The following WTAP variants were observed in gnomAD, a reference collection of about 807,000 sequenced individuals.
The protein encoded by WTAP is WT1 associated protein.
WTAP carries 8 observed loss-of-function variants against 50.0 expected under a neutral mutation model. The observed-to-expected ratio is 0.16, with a 90% CI of 0.09 to 0.29. The LOEUF (loss-of-function observed/expected upper bound fraction) is 0.29. WTAP is among the 10% of genes least tolerant of loss of function. The pLI is 1.00. For synonymous variants in WTAP, 194 were observed against 169.0 expected, an observed-to-expected ratio of 1.15 and a Z score of -1.15; for missense variants, 295 against 470.7, an observed-to-expected ratio of 0.63 and a Z score of 3.45.
chr6:159,745,996 C>T (rs1211639267), intron 5 of WTAP, among the ~76,000 whole-genome samples: 1 of 152,076 alleles, frequency 6.6e-6, no homozygotes, highest in Non-Finnish European at 1.5e-5. Context: ...AGGATAGATC[C>T]TACAAAGATC....
At chr6:159,751,959 G>GA in intron 6 of WTAP, among the ~76,000 whole-genome samples, 1 of 151,966 alleles carries the variant, frequency 6.6e-6, no homozygotes, top group East Asian at 1.9e-4. Flanking sequence ...GTACTCCGGA[G>GA]GCTGAGGTGG....
intron 1 of WTAP, among the ~76,000 whole-genome samples, chr6:159,728,927 G>A (rs1778395346): frequency 6.6e-6 from 1 of 152,190 alleles, no homozygotes; most frequent in Non-Finnish European, 1.5e-5. Context: ...AACTCCTAAA[G>A]GATAAAAGTA....
chr6:159,733,158 G>A (rs1308094445), intron 1 of WTAP, among the ~76,000 whole-genome samples: 2 of 143,736 alleles, frequency 1.4e-5, no homozygotes, highest in African/African-American at 2.5e-5. Context: ...CAACAAGGGA[G>A]GAACCAATTT....
chr6:159,739,672 AAAAAT>A (rs1779124746), intron 3 of WTAP, among the ~76,000 whole-genome samples: 1 of 152,194 alleles, frequency 6.6e-6, no homozygotes, highest in South Asian at 2.1e-4. Flanking sequence ...TAACTTAGAT[AAAAAT>A]AAAATAAGTA....
At chr6:159,742,198 TAAAATC>T (rs760599071) in intron 4 of WTAP, 52 bp downstream of exon 4, 16 of 1,410,560 alleles carry the variant, frequency 1.1e-5, no homozygotes, top group African/African-American at 2.9e-5. Context: ...TTTTGATTGT[TAAAATC>T]AAAAGGATAG....
chr6:159,733,315 G>C (rs888115920), intron 1 of WTAP, among the ~76,000 whole-genome samples: 1 of 152,148 alleles, frequency 6.6e-6, no homozygotes, highest in Non-Finnish European at 1.5e-5. Context: ...TGTATCCCTT[G>C]AGAAAGATTA....
intron 4 of WTAP, 84 bp downstream of exon 4, chr6:159,742,230 C>A: frequency 8.3e-7 from 1 of 1,209,010 alleles, no homozygotes; most frequent in Non-Finnish European, 1.2e-6. Flanking sequence ...TTTATTAAAG[C>A]AAATGTAATT....
chr6:159,755,784 T>C lies in WTAP; in HGVS notation c.*173T>C, dbSNP rs1779991218. 2 of 1,031,320 alleles carry C rather than the reference T, an allele frequency of 1.9e-6. No homozygotes were observed. Among genetic ancestry groups the C allele is most frequent in the Non-Finnish European group, 2.5e-6 (2 of 803,302 alleles). The allele number at this position is 1,031,320 out of a possible 1,614,324, so 63.9% of individuals were successfully genotyped here. On this transcript the variant is annotated 3_prime_UTR_variant, in exon 8 of 8. Transcript: ENST00000621533. ...TCTTTTCTTTTTTTTTTTTTTTTTT[T>C]TTTTTTGCTTCAATACTTCTGCCGC...
intron 1 of WTAP, among the ~76,000 whole-genome samples, chr6:159,729,440 A>G (rs993739527): frequency 1.1e-4 from 16 of 152,252 alleles, no homozygotes; most frequent in Admixed American, 3.3e-4. Context: ...GTGTATAACA[A>G]GATGTTCCAT....
At chr6:159,734,954 T>C (rs1003008090) in intron 1 of WTAP, among the ~76,000 whole-genome samples, 2 of 152,182 alleles carry the variant, frequency 1.3e-5, no homozygotes, top group Non-Finnish European at 2.9e-5. Context: ...ATACCTGCTA[T>C]TAGCATTCGT....
In WTAP at chr6:159,727,610, C is replaced by G. The variant is rs1189752873; in HGVS notation, c.-102C>G. ...CGGGGCCGGCGGCAGAGCTGTCCGG[C>G]TGCGCGGTGGCCCGGGGGGCCCGGG... On this transcript the variant is annotated 5_prime_UTR_variant, in exon 1 of 8. Coordinates refer to ENST00000621533, the MANE Select transcript of WTAP (RefSeq NM_001270531.2). The G allele has an allele frequency of 1.0e-6, 1 of 986,200 alleles. No individual in the cohort carries two copies. The highest frequency in any genetic ancestry group is 1.2e-6 in the Non-Finnish European group (1 of 830,676). The allele number at this position is 986,200 out of a possible 1,614,324, so 61.1% of individuals were successfully genotyped here.
At chr6:159,738,962 T>C in intron 2 of WTAP, 28 bp from the exon 3 acceptor site, 1 of 1,577,756 alleles carries the variant, frequency 6.3e-7, no homozygotes, top group Non-Finnish European at 8.7e-7. Context: ...GGAAGAACAC[T>C]AAATTCATAT....
rs1778274796 is a variant in WTAP at position 159,727,637 on chromosome 6, G to A, written c.-75G>A. The A allele has an allele frequency of 1.0e-6, 1 of 985,956 alleles. No homozygotes were observed. The highest frequency in any genetic ancestry group is 1.8e-5 in the African/African-American group (1 of 57,140). The allele number at this position is 985,956 out of a possible 1,614,324, so 61.1% of individuals were successfully genotyped here. On this transcript the variant is annotated 5_prime_UTR_variant, in exon 1 of 8. Transcript: ENST00000621533. ...GCGCGGTGGCCCGGGGGGCCCGGGC[G>A]GCAGGGCAAGCAGCGCGGCCTCGGC...
intron 6 of WTAP, among the ~76,000 whole-genome samples, chr6:159,753,146 A>T (rs1297325304): frequency 6.6e-6 from 1 of 152,288 alleles, no homozygotes; most frequent in East Asian, 1.9e-4. Context: ...TGTGTTAATT[A>T]ACTGGCTCTG....
rs1014939303 is a variant in WTAP at position 159,727,802 on chromosome 6, C to G, written c.-9+99C>G. 6 of 861,516 alleles carry G rather than the reference C, an allele frequency of 7.0e-6. No individual in the cohort carries two copies. In the African/African-American group the frequency reaches 1.1e-4, roughly 16 times the overall value. The allele number at this position is 861,516 out of a possible 1,614,324, so 53.4% of individuals were successfully genotyped here. Reference sequence around the variant, plus strand: ...CGGCGGGTAAGGGGCGGGCAGGGCCCGAAAGGCCACACGGGCCTGGTGCGG... The same window carrying G: ...CGGCGGGTAAGGGGCGGGCAGGGCCGGAAAGGCCACACGGGCCTGGTGCGG... On this transcript the variant is annotated intron_variant, in intron 1 of 7. Transcript: ENST00000621533.
chr6:159,738,210 C>T (rs1253354054), intron 2 of WTAP, among the ~76,000 whole-genome samples: 5 of 152,212 alleles, frequency 3.3e-5, no homozygotes, highest in Non-Finnish European at 5.9e-5. Context: ...AAAGCTTCAT[C>T]GAGTTATTCT....
Position 159,755,526 on chromosome 6 carries a change from G to C in WTAP, c.1106G>C (p.Ser369Thr). Residue 369 changes from serine to threonine, a missense_variant, in exon 8 of 8, where the codon AGT (serine) becomes ACT (threonine). Physicochemically the swap from Ser to Thr is moderately conservative, Grantham distance 58 (BLOSUM62 1). This residue lies in a region of WTAP where 175 missense variants were observed against 183.1 expected (regional missense o/e 0.96). Coordinates refer to ENST00000621533, the MANE Select transcript of WTAP (RefSeq NM_001270531.2). ...SHDPQEEKAV[S>T]GKGNRTVGSR... The stretch of plus-strand genomic sequence containing the variant: ...GACCCTCAAGAGGAGAAAGCAGTGA[G>C]TGGGAAAGGTAATCGAACTGTGGGT... 7 of 1,614,194 alleles carry C rather than the reference G, an allele frequency of 4.3e-6. No homozygotes were observed. The highest frequency in any genetic ancestry group is 5.9e-6 in the Non-Finnish European group (7 of 1,180,038).
Position 159,742,136 on chromosome 6 carries a change from A to G in WTAP, c.135A>G (p.Thr45=), listed in dbSNP as rs1360591559. 5 of 1,605,432 alleles carry G rather than the reference A, an allele frequency of 3.1e-6. No homozygotes were observed. The Admixed American group carries it at 8.7e-5, about 28-fold the overall frequency. Residue 45 remains threonine (T), a synonymous_variant, in exon 4 of 8, where the codon ACA becomes ACG. Transcript: ENST00000621533. ...TACAAGCTTTGGAGGGCAAGTACACAGATCTTAACTGTAAGTTTGAGTTTT... is the reference window on the plus strand; with the variant it reads ...TACAAGCTTTGGAGGGCAAGTACACGGATCTTAACTGTAAGTTTGAGTTTT... ...AYVQALEGKY[T]DLNSNDVTGL...
intron 6 of WTAP, among the ~76,000 whole-genome samples, chr6:159,751,777 T>G (rs1186331479): frequency 2.6e-5 from 4 of 152,168 alleles, no homozygotes; most frequent in African/African-American, 7.2e-5. Context: ...TTAGAAAACA[T>G]GCAGCCAGGC....
Sources: allele counts gnomAD v4.1 joint callset (sites outside exome capture counted in the v4.1 genomes callset), GRCh38; gene constraint gnomAD v4.1.1; regional missense constraint gnomAD v4.1.1; transcripts MANE v1.5; gene names NCBI Gene and HGNC (gene_info 2026-07-23, HGNC 2026-07-21).